The following EVC2 variants were observed in gnomAD, a reference collection of about 807,000 sequenced individuals.
The protein encoded by EVC2 is limbin.
A neutral mutation model predicts 149.3 loss-of-function variants in EVC2; 148 were observed. That is an observed-to-expected ratio of 0.99 (90% CI 0.87 to 1.14). EVC2 has a LOEUF of 1.14. Ranked by LOEUF, EVC2 falls within the 50% of genes most tolerant of loss-of-function variation. The pLI is 0.00. For missense variants in EVC2, 1,854 were observed against 1,627.3 expected, an observed-to-expected ratio of 1.14 and a Z score of -2.40; for synonymous variants, 776 against 649.9, an observed-to-expected ratio of 1.19 and a Z score of -2.95.
chr4:5,642,377 CT>C (rs139608818), intron 9 of EVC2, among the ~76,000 whole-genome samples: 30,712 of 152,030 alleles, frequency 0.2, 3,189 homozygotes, highest in Middle Eastern at 0.29. Context: ...ATTTTATCCT[CT>C]TTTTTTCCCC....
At chr4:5,700,380 G>A (rs1409422370) in intron 1 of EVC2, among the ~76,000 whole-genome samples, 1 of 152,170 alleles carries the variant, frequency 6.6e-6, no homozygotes. Flanking sequence ...ACAAATGTAC[G>A]TTTGTACAAC....
At chr4:5,589,520 G>T (rs1712596434) in intron 16 of EVC2, among the ~76,000 whole-genome samples, 1 of 152,136 alleles carries the variant, frequency 6.6e-6, no homozygotes, top group Admixed American at 6.5e-5. Context: ...AAATCTATCT[G>T]ACTTGGCTTC....
At chr4:5,599,484 C>A (rs1248510731) in intron 16 of EVC2, among the ~76,000 whole-genome samples, 3 of 152,046 alleles carry the variant, frequency 2.0e-5, no homozygotes, top group African/African-American at 7.3e-5. Context: ...AAAAACCAAA[C>A]ACCGTATATT....
chr4:5,616,990 T>G (rs936700282), intron 15 of EVC2, among the ~76,000 whole-genome samples: 4 of 152,180 alleles, frequency 2.6e-5, no homozygotes, highest in Non-Finnish European at 4.4e-5. Flanking sequence ...GAAAATTATT[T>G]TCCCCCATTG....
chr4:5,661,611 C>T (rs1031512318), intron 9 of EVC2, among the ~76,000 whole-genome samples: 18 of 151,868 alleles, frequency 1.2e-4, no homozygotes, highest in Non-Finnish European at 1.8e-4. Context: ...GCCAAAACAA[C>T]GGAAAATTAA....
intron 21 of EVC2, among the ~76,000 whole-genome samples, chr4:5,544,017 C>A (rs926254297): frequency 1.3e-5 from 2 of 152,282 alleles, no homozygotes; most frequent in East Asian, 3.9e-4. Flanking sequence ...AACATCAGGT[C>A]GGCAAATTGT....
rs917292783 is a variant in EVC2 at position 5,625,663 on chromosome 4, A to G, written c.2046+86T>C. The G allele has an allele frequency of 1.4e-5, 22 of 1,565,652 alleles. No individual in the cohort carries two copies. The highest frequency in any genetic ancestry group is 1.4e-5 in the African/African-American group (1 of 73,630). ...CTGCCCTTCTGATCCTAGTTCACCA[A>G]TGGCAATGTCTGGCACAGTACCTGG... On this transcript the variant is annotated intron_variant, in intron 13 of 21. Coordinates refer to ENST00000344408, the MANE Select transcript of EVC2 (RefSeq NM_147127.5). The surrounding 1 kb of genome is among the most constrained non-coding windows in gnomAD (Gnocchi z 4.0).
At chr4:5,619,137 T>G (rs1252315070) in intron 14 of EVC2, among the ~76,000 whole-genome samples, 5 of 152,216 alleles carry the variant, frequency 3.3e-5, no homozygotes, top group African/African-American at 1.2e-4. Flanking sequence ...GGGTAATGAC[T>G]GACAGCTGTC....
At chr4:5,697,942 G>A (rs898489481) in intron 1 of EVC2, among the ~76,000 whole-genome samples, 25 of 151,812 alleles carry the variant, frequency 1.6e-4, no homozygotes, top group African/African-American at 5.6e-4. Flanking sequence ...TAGTAGAGAC[G>A]GGGTTTCACC....
intron 17 of EVC2, among the ~76,000 whole-genome samples, chr4:5,584,196 T>C (rs1712059266): frequency 6.6e-6 from 1 of 152,218 alleles, no homozygotes; most frequent in African/African-American, 2.4e-5. Flanking sequence ...ATAGCTTTTG[T>C]TTTACGGATA....
intron 7 of EVC2, 48 bp from the exon 8 acceptor site, chr4:5,665,697 G>A (rs768063874): frequency 1.9e-6 from 3 of 1,605,914 alleles, no homozygotes; most frequent in Non-Finnish European, 2.6e-6. Context: ...CAGACAGCAT[G>A]TCTCCCAGGC....
At chr4:5,610,747 C>T (rs1010631712) in intron 16 of EVC2, among the ~76,000 whole-genome samples, 25 of 151,200 alleles carry the variant, frequency 1.7e-4, no homozygotes, top group African/African-American at 5.8e-4. Flanking sequence ...ACTCTTGCAG[C>T]GTGTTCTTCT....
intron 1 of EVC2, among the ~76,000 whole-genome samples, chr4:5,699,024 C>A (rs372515748): frequency 1.3e-5 from 2 of 152,202 alleles, no homozygotes; most frequent in East Asian, 3.9e-4. Flanking sequence ...TCCTTACAGG[C>A]CTCCAGGACC....
At chr4:5,658,618 G>A (rs1451567144) in intron 9 of EVC2, among the ~76,000 whole-genome samples, 3 of 152,010 alleles carry the variant, frequency 2.0e-5, no homozygotes, top group Non-Finnish European at 4.4e-5. Context: ...TTCTTTTTTT[G>A]TCTTACGTTC....
At position 5,640,670 on chromosome 4, in the gene EVC2, C is replaced by G; in HGVS notation, c.1314G>C (p.Leu438Phe). The change falls in exon 10 of 22, where the codon TTG becomes TTC. Residue 438 changes from leucine (L) to phenylalanine (F), a missense_variant. By Grantham distance (22) the Leu-to-Phe change is conservative (BLOSUM62 0). Coordinates refer to ENST00000344408, the MANE Select transcript of EVC2 (RefSeq NM_147127.5). The surrounding 1 kb of genome is among the most constrained non-coding windows in gnomAD (Gnocchi z 4.6). Reference sequence around the variant, plus strand: ...ACTCCTCTTGTATTTCATTTTCCAGCAATAGAAACTGCTTTTTGAAAACAG... The same window carrying G: ...ACTCCTCTTGTATTTCATTTTCCAGGAATAGAAACTGCTTTTTGAAAACAG... The part of the protein sequence containing the change: ...MSAVFKKQFL[L>F]LENEIQEEYD... The G allele has an allele frequency of 6.2e-7, 1 of 1,614,132 alleles. No individual in the cohort carries two copies. The highest frequency in any genetic ancestry group is 8.5e-7 in the Non-Finnish European group (1 of 1,180,024).
Position 5,689,361 on chromosome 4 carries a change from G to T in EVC2, c.520-18C>A. 6.2e-7 allele frequency: 1 copy of T among 1,613,500 alleles called. No individual in the cohort carries two copies. Among genetic ancestry groups the T allele is most frequent in the Non-Finnish European group, 8.5e-7 (1 of 1,179,960 alleles). ...CCAGACACCTAGGGCAGAAGGAGAAGGCATGAGGGCAGATTTGCTGACAAG... is the reference window on the plus strand; with the variant it reads ...CCAGACACCTAGGGCAGAAGGAGAATGCATGAGGGCAGATTTGCTGACAAG... On this transcript the variant is annotated intron_variant, in intron 4 of 21. Coordinates refer to ENST00000344408, the MANE Select transcript of EVC2 (RefSeq NM_147127.5).
At chr4:5,663,074 G>A (rs751554678) in intron 9 of EVC2, 33 bp downstream of exon 9, 2 of 1,607,378 alleles carry the variant, frequency 1.2e-6, no homozygotes, top group South Asian at 2.2e-5. Flanking sequence ...TTCATCACAT[G>A]TGTGTAAGTA....
chr4:5,697,260 G>A (rs1039420788), intron 2 of EVC2, among the ~76,000 whole-genome samples: 3 of 152,208 alleles, frequency 2.0e-5, no homozygotes, highest in African/African-American at 4.8e-5. Flanking sequence ...GTGTGTGGTC[G>A]AAGCCACTGT....
chr4:5,658,395 T>G (rs946498701), intron 9 of EVC2, among the ~76,000 whole-genome samples: 2 of 152,132 alleles, frequency 1.3e-5, no homozygotes, highest in Non-Finnish European at 2.9e-5. Context: ...TTACAAAGAA[T>G]AAAAAGAGTA....
Sources: gnomAD v4.1 joint callset for allele counts (sites outside exome capture counted in the v4.1 genomes callset) on GRCh38, gnomAD v4.1.1 for gene constraint, Gnocchi (gnomAD v3.1) non-coding constraint, MANE v1.5 for transcripts, NCBI Gene and HGNC (gene_info 2026-07-23, HGNC 2026-07-21) for gene names.